NDE1: variants seen among roughly 807,000 people sequenced by gnomAD.
The protein encoded by NDE1 is nudE neurodevelopment protein 1, also known as nuclear distribution protein nudE homolog 1.
Under a neutral mutation model 43.4 loss-of-function variants are expected in NDE1, and 28 were observed. The observed-to-expected ratio is 0.65, with a 90% CI of 0.48 to 0.89. The LOEUF (loss-of-function observed/expected upper bound fraction) is 0.89. Ranked by LOEUF, NDE1 falls within the 40% of genes least tolerant of loss-of-function variation. The pLI, the probability that NDE1 is intolerant of heterozygous loss-of-function variation, is 0.00. For missense variants in NDE1, 441 were observed against 434.1 expected, an observed-to-expected ratio of 1.02 and a Z score of -0.14; for synonymous variants, 184 against 172.0, an observed-to-expected ratio of 1.07 and a Z score of -0.55.
intron 8 of NDE1, among the ~76,000 whole-genome samples, chr16:15,710,673 G>A (rs2039731430): frequency 6.6e-6 from 1 of 151,858 alleles, no homozygotes; most frequent in Non-Finnish European, 1.5e-5. Flanking sequence ...GCACATCTGA[G>A]GGTTTTTGTT....
chr16:15,650,842 T>C (rs1237545075), intron 1 of NDE1, among the ~76,000 whole-genome samples: 1 of 151,934 alleles, frequency 6.6e-6, no homozygotes, highest in Non-Finnish European at 1.5e-5. Context: ...ACACCCACTG[T>C]CCCGCCCCTG....
At chr16:15,643,469 G>GA (rs1567605378) in exon 1 of NDE1, 2 of 413,430 alleles carry the variant, frequency 4.8e-6, no homozygotes, top group African/African-American at 2.2e-5. Context: ...TGGACCCGAG[G>GA]AAAAAACCTG....
At chr16:15,716,217 AATACCAC>A (rs1284420179) in intron 8 of NDE1, among the ~76,000 whole-genome samples, 5 of 152,012 alleles carry the variant, frequency 3.3e-5, no homozygotes. Context: ...ATGGGCATGA[AATACCAC>A]ATATGGCCTG....
chr16:15,704,478 C>T (rs1046956318), intron 8 of NDE1, among the ~76,000 whole-genome samples: 4 of 152,114 alleles, frequency 2.6e-5, no homozygotes, highest in East Asian at 1.9e-4. Flanking sequence ...AGGAAAAAAA[C>T]GCCAAAAACC....
chr16:15,693,002 T>TG (rs2038827862), intron 6 of NDE1, among the ~76,000 whole-genome samples: 3 of 147,846 alleles, frequency 2.0e-5, no homozygotes, highest in African/African-American at 7.7e-5. Flanking sequence ...TTTCTTTCTC[T>TG]CTTTTTTTTT....
At chr16:15,709,123 G>A (rs1011707099) in intron 8 of NDE1, among the ~76,000 whole-genome samples, 1 of 150,024 alleles carries the variant, frequency 6.7e-6, no homozygotes, top group East Asian at 2.0e-4. Flanking sequence ...TGTATTTTTA[G>A]TACAGATGGG....
chr16:15,644,045 T>C (rs2036231051), intron 1 of NDE1: 1 of 152,034 alleles, frequency 6.6e-6, no homozygotes, highest in Non-Finnish European at 1.5e-5. Flanking sequence ...AATTTAAGAC[T>C]CAGCAAAAGG....
Position 15,664,837 on chromosome 16 carries a change from A to G in NDE1, c.59A>G (p.Asp20Gly), listed in dbSNP as rs1276074523. Residue 20 changes from aspartate (D) to glycine (G), a missense_variant, in exon 2 of 9, where the codon GAT (aspartate) becomes GGT (glycine). Physicochemically the swap from Asp to Gly is moderately conservative, Grantham distance 94 (BLOSUM62 -1). Transcript: ENST00000396354. ...GAGGAAGAAGCTAACTATTGGAAAG[A>G]TCTGGCGATGACCTACAAACAGAGG... ...SEEEEANYWK[D>G]LAMTYKQRAE... 6.2e-7 allele frequency: 1 copy of G among 1,612,418 alleles called. No individual in the cohort carries two copies. The highest frequency in any genetic ancestry group is 8.5e-7 in the Non-Finnish European group (1 of 1,179,196).
intron 6 of NDE1, 119 bp from the exon 7 acceptor site, chr16:15,694,046 T>A: frequency 8.3e-7 from 1 of 1,199,726 alleles, no homozygotes; most frequent in Non-Finnish European, 1.2e-6. Context: ...GGGTAGCTTT[T>A]GGGATCCGAG....
At chr16:15,706,285 A>G (rs543932324) in intron 8 of NDE1, among the ~76,000 whole-genome samples, 1 of 152,030 alleles carries the variant, frequency 6.6e-6, no homozygotes, top group African/African-American at 2.4e-5. Context: ...TTTCTTTTTT[A>G]GCACTGTTTT....
intron 1 of NDE1, among the ~76,000 whole-genome samples, chr16:15,662,906 T>C (rs2037119457): frequency 6.6e-6 from 1 of 152,162 alleles, no homozygotes; most frequent in African/African-American, 2.4e-5. Flanking sequence ...CTTGCATTGC[T>C]GCAGGAGCTC....
chr16:15,678,255 C>T (rs1029008168), intron 4 of NDE1, among the ~76,000 whole-genome samples: 2 of 152,156 alleles, frequency 1.3e-5, no homozygotes, highest in African/African-American at 2.4e-5. Context: ...AGGCTAAGAC[C>T]AGAGGAATGA....
At chr16:15,701,367 C>T (rs950811449) in intron 8 of NDE1, 1 of 152,144 alleles carries the variant, frequency 6.6e-6, no homozygotes, top group East Asian at 1.9e-4. Context: ...AGTGGGAAAT[C>T]TGACCTCTTT....
At chr16:15,682,064 G>C (rs1315511725) in intron 4 of NDE1, among the ~76,000 whole-genome samples, 1 of 151,920 alleles carries the variant, frequency 6.6e-6, no homozygotes, top group African/African-American at 2.4e-5. Flanking sequence ...TTTTATTTTT[G>C]TACTAAACGT....
chr16:15,720,024 C>T, intron 8 of NDE1: 4 of 1,336,510 alleles, frequency 3.0e-6, no homozygotes, highest in East Asian at 2.3e-5. Context: ...TCCAGAAAAA[C>T]CCCAGCTGAA....
upstream of NDE1, among the ~76,000 whole-genome samples, chr16:15,645,372 G>A (rs1178374159): frequency 1.1e-4 from 16 of 152,142 alleles, no homozygotes; most frequent in Admixed American, 9.2e-4. Flanking sequence ...GACTCATGTC[G>A]TAATCCCAGC....
At chr16:15,721,801 T>C in intron 8 of NDE1, 2 of 694,316 alleles carry the variant, frequency 2.9e-6, no homozygotes, top group Admixed American at 2.5e-5. Context: ...GCGTTCTGAC[T>C]TCTACATCAA....
chr16:15,676,909 G>A (rs1400703780), intron 3 of NDE1, among the ~76,000 whole-genome samples: 1 of 152,160 alleles, frequency 6.6e-6, no homozygotes, highest in Non-Finnish European at 1.5e-5. Context: ...GATGATATGT[G>A]TGAAGGAGGC....
chr16:15,660,437 C>A (rs1298642327), intron 1 of NDE1, among the ~76,000 whole-genome samples: 1 of 152,062 alleles, frequency 6.6e-6, no homozygotes, highest in Non-Finnish European at 1.5e-5. Context: ...TGTGTCACTG[C>A]ACTCCAGCTG....
Sources: gnomAD v4.1 joint callset for allele counts (sites outside exome capture counted in the v4.1 genomes callset) on GRCh38, gnomAD v4.1.1 for gene constraint, MANE v1.5 for transcripts, NCBI Gene and HGNC (gene_info 2026-07-23, HGNC 2026-07-21) for gene names.